The following AHCTF1 variants were observed in gnomAD, a reference collection of about 807,000 sequenced individuals.
The protein encoded by AHCTF1 is AT-hook containing transcription factor 1.
AHCTF1 carries 24 observed loss-of-function variants against 248.4 expected under a neutral mutation model. The ratio of observed to expected loss-of-function variants is 0.10; its 90% CI spans 0.07 to 0.14. AHCTF1 has a LOEUF of 0.14. Ranked by LOEUF, AHCTF1 falls within the 10% of genes least tolerant of loss-of-function variation. AHCTF1 has a pLI of 1.00. For synonymous variants in AHCTF1, 786 were observed against 929.8 expected (o/e 0.85, Z 2.81); for missense variants, 2,206 against 2,636.2 (o/e 0.84, Z 3.57).
intron 5 of AHCTF1, 71 bp from the exon 6 acceptor site, chr1:246,905,728 A>T: frequency 7.9e-7 from 1 of 1,266,012 alleles, no homozygotes. Context: ...TCATGTAAGA[A>T]CTTGGGTTAG....
intron 6 of AHCTF1, 67 bp from the exon 7 acceptor site, chr1:246,904,100 TAAG>T: frequency 7.2e-7 from 1 of 1,386,344 alleles, no homozygotes. Context: ...ACTGTCCAAG[TAAG>T]TTTAGTTTGC....
In AHCTF1 at chr1:246,916,405, A is replaced by G. The variant is rs769532757; in HGVS notation, c.122-10T>C. The stretch of plus-strand genomic sequence containing the variant: ...GCAAGTCCATTTTTCCCTAGAAGAA[A>G]AAAAAATTGCCTATTTTAATATTGT... On this transcript the variant is annotated splice_polypyrimidine_tract_variant and intron_variant, in intron 2 of 35. Transcript: ENST00000648844. 27 of 1,600,418 alleles carry G rather than the reference A, an allele frequency of 1.7e-5. No homozygotes were observed. In the Admixed American group the frequency reaches 4.6e-4, roughly 27 times the overall value.
At chr1:246,923,004 AGTAT>A (rs1666677027) in intron 1 of AHCTF1, among the ~76,000 whole-genome samples, 1 of 138,212 alleles carries the variant, frequency 7.2e-6, no homozygotes, top group Non-Finnish European at 1.5e-5. Context: ...AAAAAAAAAA[AGTAT>A]CAATAGTATT....
intron 26 of AHCTF1, among the ~76,000 whole-genome samples, chr1:246,866,705 G>C (rs1483039920): frequency 2.0e-5 from 3 of 152,068 alleles, no homozygotes; most frequent in African/African-American, 7.2e-5. Context: ...TACATGAAGA[G>C]ACATACTCTG....
chr1:246,918,595 G>A (rs985207641), intron 1 of AHCTF1, among the ~76,000 whole-genome samples: 4 of 152,226 alleles, frequency 2.6e-5, no homozygotes, highest in South Asian at 2.1e-4. Context: ...CCAGAAGTTC[G>A]AGGCTGCGCC....
intron 4 of AHCTF1, among the ~76,000 whole-genome samples, chr1:246,909,247 T>TAAAA (rs34089730): frequency 9.2e-6 from 1 of 109,104 alleles, no homozygotes; most frequent in African/African-American, 3.4e-5. Flanking sequence ...TCGGCTCTAC[T>TAAAA]AAAAAAAAAA....
chr1:246,902,776 A>G, intron 7 of AHCTF1, 101 bp from the exon 8 acceptor site: 1 of 1,191,008 alleles, frequency 8.4e-7, no homozygotes, highest in South Asian at 2.2e-5. Context: ...CACAATACAA[A>G]GAAAACAATT....
intron 24 of AHCTF1, among the ~76,000 whole-genome samples, chr1:246,874,758 T>C (rs1279658954): frequency 6.6e-6 from 1 of 152,130 alleles, no homozygotes; most frequent in Non-Finnish European, 1.5e-5. Context: ...AAATTTAGCA[T>C]CTAAAAATTT....
intron 1 of AHCTF1, among the ~76,000 whole-genome samples, chr1:246,919,735 T>C (rs1050201956): frequency 2.6e-5 from 4 of 151,502 alleles, no homozygotes; most frequent in Non-Finnish European, 5.9e-5. Flanking sequence ...GAGAAGAATT[T>C]ATTATCAAGT....
intron 14 of AHCTF1, among the ~76,000 whole-genome samples, chr1:246,893,280 A>G (rs1037468154): frequency 6.1e-4 from 93 of 152,346 alleles, no homozygotes; most frequent in African/African-American, 2.2e-3. Flanking sequence ...TCATGACAAC[A>G]GTTTCATAAG....
chr1:246,913,542 T>A (rs1665949612), intron 3 of AHCTF1, 130 bp from the exon 4 acceptor site: 1 of 812,360 alleles, frequency 1.2e-6, no homozygotes, highest in Non-Finnish European at 1.8e-6. Flanking sequence ...TTGCATTTGA[T>A]ACTTGTGATC....
At chr1:246,841,355 T>A (rs1018545223) in intron 35 of AHCTF1, among the ~76,000 whole-genome samples, 1 of 152,334 alleles carries the variant, frequency 6.6e-6, no homozygotes, top group East Asian at 1.9e-4. Context: ...CAGGCCCATG[T>A]GGCATGTCAG....
chr1:246,861,526 C>T (rs1439913652), intron 28 of AHCTF1, among the ~76,000 whole-genome samples: 1 of 152,204 alleles, frequency 6.6e-6, no homozygotes, highest in Non-Finnish European at 1.5e-5. Flanking sequence ...GACTACAACA[C>T]AGAACAGGCT....
chr1:246,882,321 G>A (rs893891793), intron 21 of AHCTF1, among the ~76,000 whole-genome samples: 3 of 152,124 alleles, frequency 2.0e-5, no homozygotes, highest in Non-Finnish European at 4.4e-5. Flanking sequence ...AACAGAGCAA[G>A]TCTTAGCAAA....
intron 17 of AHCTF1, among the ~76,000 whole-genome samples, chr1:246,889,477 G>T (rs1664063804): frequency 6.6e-6 from 1 of 152,138 alleles, no homozygotes; most frequent in Non-Finnish European, 1.5e-5. Flanking sequence ...GGAAATAACA[G>T]ATCTAGAATT....
intron 4 of AHCTF1, among the ~76,000 whole-genome samples, chr1:246,909,528 C>A (rs1308410279): frequency 2.0e-5 from 3 of 152,036 alleles, no homozygotes; most frequent in African/African-American, 7.3e-5. Context: ...CCCTTAGTAG[C>A]CATCTTGGTT....
rs1326870815 is a variant in AHCTF1, at chr1:246,864,075, T to C, written c.3389A>G (p.Gln1130Arg). ...GCTTTGCTGAATAAACTCCGAACAC[T>C]GAGAAGGCCGGGGGACAGGCTGAAC... ...LVVQPVPRPS[Q>R]CSEFIQQSSM... Residue 1130 changes from glutamine (Q) to arginine (R), a missense_variant, in exon 27 of 36, where the codon CAG becomes CGG. Physicochemically the swap from Gln to Arg is conservative, Grantham distance 43 (BLOSUM62 1). Around this residue, in one of 6 missense-constraint regions of AHCTF1, gnomAD observed 955 missense variants for 1,055.6 expected, o/e 0.90. Transcript: ENST00000648844. 1.2e-6 allele frequency: 2 copies of C among 1,613,998 alleles called. No individual in the cohort carries two copies. The highest frequency in any genetic ancestry group is 1.7e-6 in the Non-Finnish European group (2 of 1,180,016).
chr1:246,898,345 G>T lies in AHCTF1; in HGVS notation c.1495-9C>A. The T allele has an allele frequency of 6.2e-7, 1 of 1,606,728 alleles. No individual in the cohort carries two copies. The highest frequency in any genetic ancestry group is 1.3e-5 in the African/African-American group (1 of 74,798). On this transcript the variant is annotated splice_polypyrimidine_tract_variant and intron_variant, in intron 11 of 35. Coordinates refer to ENST00000648844, the MANE Select transcript of AHCTF1 (RefSeq NM_001323342.2). The stretch of plus-strand genomic sequence containing the variant: ...TTTAAAAAAGTCAAAGTCTGTAACA[G>T]ATAAATTAGTAAGGCATCAATCAAT...
chr1:246,899,325 C>T (rs996837469), intron 11 of AHCTF1, 126 bp downstream of exon 11: 3 of 695,902 alleles, frequency 4.3e-6, no homozygotes. Context: ...TCTCATAAAC[C>T]TAGCAGAAGC....
Sources: allele counts gnomAD v4.1 joint callset (sites outside exome capture counted in the v4.1 genomes callset), GRCh38; gene constraint gnomAD v4.1.1; regional missense constraint gnomAD v4.1.1; transcripts MANE v1.5; gene names NCBI Gene and HGNC (gene_info 2026-07-23, HGNC 2026-07-21).